Variants in CHODL observed in about 807,000 individuals in gnomAD.
CHODL encodes the protein chondrolectin.
A neutral mutation model predicts 34.5 loss-of-function variants in CHODL; 29 were observed. The observed-to-expected ratio is 0.84, with a 90% confidence interval of 0.63 to 1.15. The LOEUF (loss-of-function observed/expected upper bound fraction) is 1.15. Ranked by LOEUF, CHODL falls within the 50% of genes most tolerant of loss-of-function variation. CHODL has a pLI of 0.00. For missense variants in CHODL, 332 were observed against 332.5 expected, an observed-to-expected ratio of 1.00 and a Z score of 0.01; for synonymous variants, 125 against 116.1, an observed-to-expected ratio of 1.08 and a Z score of -0.49.
chr21:18,156,518 A>T (rs957488788), intron 2 of CHODL, among the ~76,000 whole-genome samples: 1 of 152,234 alleles, frequency 6.6e-6, no homozygotes, highest in African/African-American at 2.4e-5. Context: ...ATGATCGTTC[A>T]TATAACTGTC....
chr21:18,132,122 G>GT (rs2072662320), intron 2 of CHODL, among the ~76,000 whole-genome samples: 1 of 151,948 alleles, frequency 6.6e-6, no homozygotes, highest in Non-Finnish European at 1.5e-5. Flanking sequence ...GGGTATATGT[G>GT]CACAATATGC....
At chr21:18,177,378 C>T (rs1362959055) in intron 2 of CHODL, among the ~76,000 whole-genome samples, 1 of 152,092 alleles carries the variant, frequency 6.6e-6, no homozygotes, top group Non-Finnish European at 1.5e-5. Flanking sequence ...TCTTCTTACT[C>T]TAGAGTCTAG....
intron 2 of CHODL, among the ~76,000 whole-genome samples, chr21:18,130,748 C>T (rs1440760913): frequency 6.6e-6 from 1 of 152,062 alleles, no homozygotes; most frequent in African/African-American, 2.4e-5. Flanking sequence ...TTGGCAAATG[C>T]TTTTTTCCAT....
intron 1 of CHODL, among the ~76,000 whole-genome samples, chr21:17,943,036 G>C (rs1353308390): frequency 3.3e-5 from 5 of 152,140 alleles, no homozygotes; most frequent in Non-Finnish European, 7.4e-5. Flanking sequence ...GGCCTCCCCA[G>C]CCATGCCCCT....
At chr21:17,963,260 C>T (rs1388320363) in intron 1 of CHODL, among the ~76,000 whole-genome samples, 2 of 152,060 alleles carry the variant, frequency 1.3e-5, no homozygotes, top group African/African-American at 4.8e-5. Context: ...TTAGTTGAAA[C>T]CCTTCTGTTT....
chr21:18,151,892 C>T (rs562071999), intron 2 of CHODL, among the ~76,000 whole-genome samples: 1 of 152,120 alleles, frequency 6.6e-6, no homozygotes, highest in South Asian at 2.1e-4. Context: ...CCTCCAAATG[C>T]CTTACCTTCT....
intron 2 of CHODL, among the ~76,000 whole-genome samples, chr21:18,125,616 G>A (rs1047091949): frequency 6.0e-5 from 9 of 150,988 alleles, no homozygotes; most frequent in African/African-American, 1.7e-4. Flanking sequence ...TAATTTTTGA[G>A]ATGGAGTCTC....
chr21:17,977,819 T>A lies in CHODL; in HGVS notation c.-144-50053T>A, dbSNP rs577212707. 2.1e-5 allele frequency among the ~76,000 whole-genome samples: 3 copies of A among 142,192 alleles called. No individual in the cohort carries two copies. The Admixed American group carries it at 2.2e-4, about 11-fold the overall frequency. 93.3% of individuals were successfully genotyped at this position (142,192 alleles called of 152,430 possible). A position where few individuals can be genotyped will look rare whatever the true frequency, so the allele number is the denominator to read the frequency against. ...CTGTATTCCCAGCTACTCAGGAGGC[T>A]GAGGCAGGAAAATCACTTGAACCTG... On this transcript the variant is annotated intron_variant, in intron 1 of 6. Coordinates refer to the CHODL transcript ENST00000400127.
intron 1 of CHODL, among the ~76,000 whole-genome samples, chr21:18,015,429 A>G (rs1341520462): frequency 2.0e-5 from 3 of 152,176 alleles, no homozygotes; most frequent in Non-Finnish European, 4.4e-5. Flanking sequence ...CTGTGAGTCA[A>G]TTAGACCTCT....
At chr21:18,017,477 C>T (rs2064086354) in intron 1 of CHODL, among the ~76,000 whole-genome samples, 1 of 152,198 alleles carries the variant, frequency 6.6e-6, no homozygotes, top group Non-Finnish European at 1.5e-5. Flanking sequence ...CAAAGAACCC[C>T]AGAGACATCT....
intron 1 of CHODL, among the ~76,000 whole-genome samples, chr21:18,248,686 AT>A (rs2074179565): frequency 2.5e-5 from 3 of 121,032 alleles, no homozygotes; most frequent in African/African-American, 1.1e-4. Flanking sequence ...ATATGTATAT[AT>A]TATATACATA....
intron 1 of CHODL, among the ~76,000 whole-genome samples, chr21:17,954,283 T>C (rs1471104519): frequency 6.6e-6 from 1 of 151,966 alleles, no homozygotes; most frequent in African/African-American, 2.4e-5. Context: ...GTGTCAGAAA[T>C]AAAGGAAAGA....
chr21:18,154,141 A>C (rs942350003), intron 2 of CHODL, among the ~76,000 whole-genome samples: 1 of 152,228 alleles, frequency 6.6e-6, no homozygotes, highest in African/African-American at 2.4e-5. Context: ...ATTGCACATA[A>C]TTTTATTCGG....
Position 18,256,490 on chromosome 21 carries a change from ATCT to A in CHODL, c.80-17_80-15del, listed in dbSNP as rs150053544. 7.6e-3 allele frequency: 11,426 copies of A among 1,494,612 alleles called. 482 individuals carry two copies. In the African/African-American group the frequency reaches 0.15, roughly 19 times the overall value. 92.6% of individuals were successfully genotyped at this position (1,494,612 alleles called of 1,614,324 possible). ...GAGTTCCGATTATCAATATATGGGC[ATCT>A]TTTTTTTTTTTTCAGGCCAAAAGGT... On this transcript the variant is annotated splice_polypyrimidine_tract_variant and intron_variant, in intron 1 of 5. Transcript: ENST00000299295.
intron 1 of CHODL, among the ~76,000 whole-genome samples, chr21:18,012,234 A>T (rs999860573): frequency 2.6e-5 from 4 of 152,176 alleles, no homozygotes; most frequent in Non-Finnish European, 4.4e-5. Flanking sequence ...TGACATGGTG[A>T]TTTCTGCTCC....
chr21:18,011,364 G>T (rs752631733), intron 1 of CHODL, among the ~76,000 whole-genome samples: 14 of 152,158 alleles, frequency 9.2e-5, no homozygotes, highest in Non-Finnish European at 1.8e-4. Flanking sequence ...AGCAAGGCAA[G>T]AAAAGATCAG....
At chr21:18,052,590 A>G (rs2064529494) in intron 2 of CHODL, among the ~76,000 whole-genome samples, 2 of 151,982 alleles carry the variant, frequency 1.3e-5, no homozygotes, top group African/African-American at 4.8e-5. Context: ...TACCATAGCT[A>G]GAAAAAGGTT....
chr21:18,161,913 C>T (rs1437929202), intron 2 of CHODL, among the ~76,000 whole-genome samples: 1 of 152,128 alleles, frequency 6.6e-6, no homozygotes, highest in African/African-American at 2.4e-5. Flanking sequence ...TCAAGTATAA[C>T]CTACAAACTG....
At position 17,962,698 on chromosome 21, in the gene CHODL, G is replaced by C. The variant is rs569482803; in HGVS notation, c.-145+45298G>C. ...TATTCTTTTCCCTACAATATAAAAG[G>C]CTTTGAGAAAATAAATTACATTATC... On this transcript the variant is annotated intron_variant, in intron 1 of 6. Transcript: ENST00000400127. Among the ~76,000 whole-genome samples, 133 of 152,258 alleles carry C rather than the reference G, an allele frequency of 8.7e-4. 3 individuals are homozygous for C. In the South Asian group the frequency reaches 0.026, roughly 30 times the overall value.
Sources: allele counts gnomAD v4.1 joint callset (sites outside exome capture counted in the v4.1 genomes callset), GRCh38; gene constraint gnomAD v4.1.1; transcripts MANE v1.5; gene names NCBI Gene and HGNC (gene_info 2026-07-23, HGNC 2026-07-21).